The following DOCK2 variants were observed in gnomAD, a reference collection of about 807,000 sequenced individuals.
DOCK2 encodes the protein dedicator of cytokinesis protein 2.
DOCK2 carries 87 observed loss-of-function variants against 248.9 expected under a neutral mutation model. That is an observed-to-expected ratio of 0.35 (90% CI 0.29 to 0.42). The LOEUF (loss-of-function observed/expected upper bound fraction) is 0.42, where lower values mean the gene tolerates loss of function less well. Among genes scored for constraint, DOCK2 ranks in the 10% least tolerant of loss-of-function variants. DOCK2 has a pLI of 1.00. For missense variants in DOCK2, 1,747 were observed against 2,300.2 expected, an observed-to-expected ratio of 0.76 and a Z score of 4.92; for synonymous variants, 805 against 821.6, an observed-to-expected ratio of 0.98 and a Z score of 0.35.
chr5:169,785,337 G>A (rs1765928662), intron 25 of DOCK2, among the ~76,000 whole-genome samples: 2 of 152,148 alleles, frequency 1.3e-5, no homozygotes, highest in African/African-American at 2.4e-5. Flanking sequence ...TTCCTAAGAA[G>A]TTCTCTACTT....
chr5:169,659,591 G>C (rs536667103), intron 2 of DOCK2, among the ~76,000 whole-genome samples: 1 of 152,284 alleles, frequency 6.6e-6, no homozygotes, highest in Non-Finnish European at 1.5e-5. Flanking sequence ...GCTTAAACAA[G>C]GGTGAATTTC....
rs1227139775 is a variant in DOCK2, at chr5:169,637,295, C to A, written c.-32C>A. 2.8e-6 allele frequency: 4 copies of A among 1,431,870 alleles called. No individual in the cohort carries two copies. In the South Asian group the frequency reaches 4.2e-5, roughly 15 times the overall value. 88.7% of individuals were successfully genotyped at this position (1,431,870 alleles called of 1,614,324 possible). A position where few individuals can be genotyped will look rare whatever the true frequency, so the allele number is the denominator to read the frequency against. On this transcript the variant is annotated 5_prime_UTR_variant, in exon 1 of 52. Coordinates refer to ENST00000520908, the MANE Select transcript of DOCK2 (RefSeq NM_004946.3). ...CGCCCAGCCACCCCCTGACGGCTTC[C>A]CCACGGGAGGACGCGAGGCCCCGGC...
chr5:169,970,069 A>T (rs1487195902), intron 27 of DOCK2, among the ~76,000 whole-genome samples: 2 of 152,204 alleles, frequency 1.3e-5, no homozygotes, highest in Non-Finnish European at 2.9e-5. Flanking sequence ...GAAGCCTCCC[A>T]TGTCCCACCC....
chr5:170,054,316 T>G (rs1237446260), intron 41 of DOCK2, among the ~76,000 whole-genome samples: 1 of 152,076 alleles, frequency 6.6e-6, no homozygotes, highest in African/African-American at 2.4e-5. Context: ...CTTGAATACC[T>G]AAATAAAAGA....
chr5:169,647,746 G>T (rs977712256), intron 1 of DOCK2, among the ~76,000 whole-genome samples: 1 of 152,006 alleles, frequency 6.6e-6, no homozygotes, highest in African/African-American at 2.4e-5. Context: ...GCCAGTCTCT[G>T]CCCCTCCCTC....
chr5:169,669,171 G>T, intron 2 of DOCK2, 117 bp from the exon 3 acceptor site: 1 of 1,257,900 alleles, frequency 7.9e-7, no homozygotes, highest in South Asian at 1.3e-5. Context: ...TGTACCCAAG[G>T]TCTAAAGCAA....
intron 1 of DOCK2, among the ~76,000 whole-genome samples, chr5:169,642,187 A>G (rs995304698): frequency 1.3e-4 from 20 of 152,248 alleles, no homozygotes; most frequent in African/African-American, 4.8e-4. Context: ...GAAAGGATAG[A>G]GAGCATCACT....
At chr5:169,795,597 C>G (rs182158824) in intron 25 of DOCK2, among the ~76,000 whole-genome samples, 33 of 152,200 alleles carry the variant, frequency 2.2e-4, no homozygotes, top group Admixed American at 2.1e-3. Flanking sequence ...TATTGATTTC[C>G]CAGTGGGCGG....
At position 169,708,161 on chromosome 5, in the gene DOCK2, T is replaced by C. The variant is rs1336190548; in HGVS notation, c.1384-8T>C. ...GTCTTTTCCCTCACTTTGTTTTTCT[T>C]GGGTCAGAATGCAATTTGCGTGGGA... On this transcript the variant is annotated splice_polypyrimidine_tract_variant and splice_region_variant and intron_variant, in intron 14 of 51. Transcript: ENST00000520908. The C allele has an allele frequency of 1.2e-6, 2 of 1,613,292 alleles. No homozygotes were observed.
intron 27 of DOCK2, among the ~76,000 whole-genome samples, chr5:169,869,108 C>G (rs966432542): frequency 6.6e-6 from 1 of 152,232 alleles, no homozygotes; most frequent in Non-Finnish European, 1.5e-5. Context: ...CCACTCCACT[C>G]TTCCTCACTA....
intron 50 of DOCK2, 194 bp downstream of exon 50, chr5:170,080,477 C>A: frequency 1.3e-6 from 1 of 766,250 alleles, no homozygotes; most frequent in East Asian, 2.8e-5. Context: ...GACACCATCC[C>A]AGCAAGCTCC....
At chr5:170,012,608 G>A (rs1221413376) in intron 32 of DOCK2, among the ~76,000 whole-genome samples, 1 of 152,218 alleles carries the variant, frequency 6.6e-6, no homozygotes, top group African/African-American at 2.4e-5. Flanking sequence ...GGGCAGGGAG[G>A]TCTTCATGGG....
chr5:169,654,519 C>G, intron 2 of DOCK2, 33 bp downstream of exon 2: 5 of 1,612,228 alleles, frequency 3.1e-6, no homozygotes, highest in Non-Finnish European at 4.2e-6. Flanking sequence ...AAGTGCTGGA[C>G]CCTTGGCTGA....
intron 9 of DOCK2, among the ~76,000 whole-genome samples, chr5:169,694,060 C>T (rs532475585): frequency 1.0e-3 from 158 of 152,322 alleles, no homozygotes; most frequent in African/African-American, 3.1e-3. Flanking sequence ...AAAATTTAAC[C>T]GTCATGGTCC....
At chr5:169,956,445 A>G (rs1178943428) in intron 27 of DOCK2, among the ~76,000 whole-genome samples, 1 of 152,234 alleles carries the variant, frequency 6.6e-6, no homozygotes, top group Non-Finnish European at 1.5e-5. Context: ...AGATTACTGC[A>G]GCGACTTTAA....
intron 26 of DOCK2, among the ~76,000 whole-genome samples, chr5:169,840,511 T>C (rs1325171660): frequency 6.6e-6 from 1 of 152,150 alleles, no homozygotes; most frequent in East Asian, 1.9e-4. Context: ...AGTTAAGCCA[T>C]CTTAACTTAT....
At position 170,075,987 on chromosome 5, in the gene DOCK2, G is replaced by A. The variant is rs747184048; in HGVS notation, c.4769G>A (p.Arg1590Lys). 1.2e-6 allele frequency: 2 copies of A among 1,614,172 alleles called. No individual in the cohort carries two copies. The highest frequency in any genetic ancestry group is 2.2e-5 in the East Asian group (1 of 44,878). ...LGAGIKIHEK[R>K]VSDNLRPFHD... ...GCTGGGATTAAGATCCATGAGAAAA[G>A]GGTGTCAGATAACTTGCGACCCTTC... Residue 1590 changes from arginine to lysine, a missense_variant, in exon 47 of 52, where the codon AGG (arginine) becomes AAG (lysine). By Grantham distance (26) the Arg-to-Lys change is conservative (BLOSUM62 2). Transcript: ENST00000520908.
At chr5:169,935,309 C>T (rs1246303223) in intron 27 of DOCK2, among the ~76,000 whole-genome samples, 1 of 152,194 alleles carries the variant, frequency 6.6e-6, no homozygotes, top group Non-Finnish European at 1.5e-5. Context: ...AAAAAAAGGT[C>T]TCATCTCCCA....
intron 27 of DOCK2, among the ~76,000 whole-genome samples, chr5:169,863,464 C>CA (rs1329855249): frequency 6.6e-6 from 1 of 152,180 alleles, no homozygotes; most frequent in African/African-American, 2.4e-5. Context: ...AAGTTCACAC[C>CA]AAAAACAGAT....
Sources: allele counts gnomAD v4.1 joint callset (sites outside exome capture counted in the v4.1 genomes callset), GRCh38; gene constraint gnomAD v4.1.1; transcripts MANE v1.5; gene names NCBI Gene and HGNC (gene_info 2026-07-23, HGNC 2026-07-21).